SLC6A11: variants seen among roughly 807,000 people sequenced by gnomAD.
The protein encoded by SLC6A11 is solute carrier family 6 member 11.
A neutral mutation model predicts 74.8 loss-of-function variants in SLC6A11; 25 were observed. The observed-to-expected ratio is 0.33, with a 90% CI of 0.24 to 0.47. The LOEUF (loss-of-function observed/expected upper bound fraction) is 0.47, where lower values mean the gene tolerates loss of function less well. Among genes scored for constraint, SLC6A11 ranks in the 20% least tolerant of loss-of-function variants. The pLI, the probability that SLC6A11 is intolerant of heterozygous loss-of-function variation, is 1.00. For synonymous variants in SLC6A11, 330 were observed against 330.2 expected (o/e 1.00, Z 0.01); for missense variants, 574 against 837.0 (o/e 0.69, Z 3.88).
intron 8 of SLC6A11, 105 bp from the exon 9 acceptor site, chr3:10,925,899 C>T: frequency 4.3e-6 from 3 of 690,180 alleles, no homozygotes; most frequent in South Asian, 3.5e-5. Flanking sequence ...GAGGCAGGCA[C>T]AGTGCCTGGC....
intron 4 of SLC6A11, among the ~76,000 whole-genome samples, chr3:10,840,015 C>G (rs1694417218): frequency 6.6e-6 from 1 of 152,170 alleles, no homozygotes; most frequent in Non-Finnish European, 1.5e-5. Flanking sequence ...AGGCAGACTC[C>G]TCTGCCCCAC....
chr3:10,907,177 G>T (rs989059958), intron 6 of SLC6A11, among the ~76,000 whole-genome samples: 2 of 152,114 alleles, frequency 1.3e-5, no homozygotes, highest in Admixed American at 6.5e-5. Context: ...ACATGAAATT[G>T]TCAGACAAAA....
At chr3:10,845,738 A>G (rs1012287445) in intron 5 of SLC6A11, among the ~76,000 whole-genome samples, 2 of 152,240 alleles carry the variant, frequency 1.3e-5, no homozygotes, top group Non-Finnish European at 2.9e-5. Flanking sequence ...CACAGAAAGT[A>G]GAGCAGAGAC....
At chr3:10,881,287 A>G (rs577250433) in intron 6 of SLC6A11, among the ~76,000 whole-genome samples, 12 of 152,272 alleles carry the variant, frequency 7.9e-5, no homozygotes, top group East Asian at 3.9e-4. Flanking sequence ...ATGGTGGCAC[A>G]CACCTGTAAT....
intron 4 of SLC6A11, among the ~76,000 whole-genome samples, chr3:10,836,238 G>C (rs1192016226): frequency 6.6e-6 from 1 of 152,224 alleles, no homozygotes; most frequent in Non-Finnish European, 1.5e-5. Flanking sequence ...TGCATGGGTA[G>C]ACCATATTTT....
At chr3:10,894,362 A>C (rs776079851) in intron 6 of SLC6A11, among the ~76,000 whole-genome samples, 2 of 152,228 alleles carry the variant, frequency 1.3e-5, no homozygotes, top group Non-Finnish European at 2.9e-5. Context: ...TAAGCAGGGC[A>C]GGCAGGTCAG....
intron 1 of SLC6A11, among the ~76,000 whole-genome samples, chr3:10,818,904 G>A (rs183328072): frequency 6.6e-6 from 1 of 152,308 alleles, no homozygotes; most frequent in Non-Finnish European, 1.5e-5. Flanking sequence ...CAAACTCCTT[G>A]CAAGTTGACA....
In SLC6A11 at chr3:10,863,859, C is replaced by A. The variant is rs77046880; in HGVS notation, c.757-11102C>A. On this transcript the variant is annotated intron_variant, in intron 5 of 13. Coordinates refer to ENST00000254488, the MANE Select transcript of SLC6A11 (RefSeq NM_014229.3). ...GTTGGCTCATAGGGGAACTCAAACT[C>A]CCGAGGGGTCCGTTCGGGGCTTCGG... 3.8e-3 allele frequency among the ~76,000 whole-genome samples: 577 copies of A among 152,210 alleles called. 5 individuals are homozygous for A. The highest frequency in any genetic ancestry group is 0.013 in the African/African-American group (560 of 41,526).
At chr3:10,877,233 G>T (rs1694919750) in intron 6 of SLC6A11, among the ~76,000 whole-genome samples, 2 of 152,222 alleles carry the variant, frequency 1.3e-5, no homozygotes, top group Admixed American at 1.3e-4. Flanking sequence ...ATGGACCCCT[G>T]TGTCGGGGGG....
At chr3:10,863,215 G>C (rs1469022238) in intron 5 of SLC6A11, among the ~76,000 whole-genome samples, 1 of 152,214 alleles carries the variant, frequency 6.6e-6, no homozygotes, top group Non-Finnish European at 1.5e-5. Flanking sequence ...ACAGCTGACT[G>C]TATTACAAGG....
At chr3:10,817,274 C>G (rs747945019) in intron 1 of SLC6A11, among the ~76,000 whole-genome samples, 2 of 152,164 alleles carry the variant, frequency 1.3e-5, no homozygotes, top group Non-Finnish European at 2.9e-5. Context: ...CCACGACAAA[C>G]AGCAATACTG....
chr3:10,819,381 G>A (rs997821871), intron 1 of SLC6A11, 84 bp from the exon 2 acceptor site: 4 of 1,340,392 alleles, frequency 3.0e-6, no homozygotes, highest in Non-Finnish European at 4.1e-6. Context: ...TGTCTGGCCT[G>A]TAGTAGATGT....
chr3:10,867,118 G>A (rs748285451), intron 5 of SLC6A11, among the ~76,000 whole-genome samples: 2 of 152,232 alleles, frequency 1.3e-5, no homozygotes, highest in Non-Finnish European at 2.9e-5. Flanking sequence ...AAGCGAGACT[G>A]GCTGGAAGGG....
At chr3:10,907,928 G>T (rs942652194) in intron 6 of SLC6A11, among the ~76,000 whole-genome samples, 1 of 152,202 alleles carries the variant, frequency 6.6e-6, no homozygotes, top group East Asian at 1.9e-4. Context: ...AGGGCTGGGG[G>T]TGATTGTTAA....
At chr3:10,827,511 T>C (rs1694227083) in intron 4 of SLC6A11, among the ~76,000 whole-genome samples, 1 of 152,216 alleles carries the variant, frequency 6.6e-6, no homozygotes, top group East Asian at 1.9e-4. Context: ...TGTTGTTTCC[T>C]TGTGTGGCTG....
At chr3:10,896,540 G>T (rs1695173491) in intron 6 of SLC6A11, among the ~76,000 whole-genome samples, 2 of 152,222 alleles carry the variant, frequency 1.3e-5, no homozygotes, top group Admixed American at 6.5e-5. Context: ...GATTTTGTGA[G>T]ATTTTATACT....
At chr3:10,871,483 G>A (rs1694827803) in intron 5 of SLC6A11, among the ~76,000 whole-genome samples, 1 of 152,094 alleles carries the variant, frequency 6.6e-6, no homozygotes, top group African/African-American at 2.4e-5. Context: ...CTAAATGAAA[G>A]CAATGGGTTA....
intron 10 of SLC6A11, among the ~76,000 whole-genome samples, chr3:10,930,350 C>T (rs1016812367): frequency 2.0e-5 from 3 of 152,300 alleles, no homozygotes; most frequent in Admixed American, 6.5e-5. Flanking sequence ...CCTCAGGGGC[C>T]GTGAGAACAG....
intron 6 of SLC6A11, among the ~76,000 whole-genome samples, chr3:10,904,798 G>A (rs922229811): frequency 1.3e-5 from 2 of 152,062 alleles, no homozygotes; most frequent in Admixed American, 6.5e-5. Context: ...GTAAAGTATA[G>A]AGCCAGAACG....
Sources: gnomAD v4.1 joint callset for allele counts (sites outside exome capture counted in the v4.1 genomes callset) on GRCh38, gnomAD v4.1.1 for gene constraint, MANE v1.5 for transcripts, NCBI Gene and HGNC (gene_info 2026-07-23, HGNC 2026-07-21) for gene names.